Variants in TCF15 observed in about 807,000 individuals in gnomAD.
The protein encoded by TCF15 is TCF-15.
TCF15 carries 7 observed loss-of-function variants against 11.1 expected under a neutral mutation model. The ratio of observed to expected loss-of-function variants is 0.63; its 90% confidence interval spans 0.36 to 1.19. The LOEUF (loss-of-function observed/expected upper bound fraction) is 1.19. TCF15 is among the 50% of genes most tolerant of loss of function. The pLI is 0.02. For synonymous variants in TCF15, 144 were observed against 138.9 expected, an observed-to-expected ratio of 1.04 and a Z score of -0.26; for missense variants, 288 against 289.4, an observed-to-expected ratio of 1.00 and a Z score of 0.03.
chr20:605,161 T>C (rs2019962581), intron 1 of TCF15, among the ~76,000 whole-genome samples: 1 of 152,212 alleles, frequency 6.6e-6, no homozygotes. Flanking sequence ...CGGCTAATTT[T>C]TGTATTCACG....
intron 1 of TCF15, among the ~76,000 whole-genome samples, chr20:608,126 C>T (rs1164333815): frequency 6.6e-6 from 1 of 152,142 alleles, no homozygotes; most frequent in African/African-American, 2.4e-5. Flanking sequence ...ACACAGAAAC[C>T]CTGTCAGCAC....
rs1278121982 is a variant in TCF15, at chr20:609,782, G to A, written c.456C>T (p.Pro152=). 4.9e-6 allele frequency: 7 copies of A among 1,420,164 alleles called. No homozygotes were observed. The African/African-American group carries it at 6.0e-5, about 12-fold the overall frequency. The allele number at this position is 1,420,164 out of a possible 1,614,324, so 88.0% of individuals were successfully genotyped here. The change falls in exon 1 of 2, where the codon CCC becomes CCT. Residue 152 remains proline, a synonymous_variant. Coordinates refer to ENST00000246080, the MANE Select transcript of TCF15 (RefSeq NM_004609.4). This position sits in a 1 kb window ranked among gnomAD's most constrained non-coding sequence, Gnocchi z 4.7. ...RAAGSAKGAV[P]AAADGGRQPR... ...GCTGGCGGCCGCCGTCGGCGGCGGC[G>A]GGGACGGCGCCCTTGGCACTGCCCG...
chr20:609,662 CCCCCG>C lies in TCF15; in HGVS notation c.525+46_525+50del. The C allele has an allele frequency of 7.5e-7, 1 of 1,326,294 alleles. No homozygotes were observed. The highest frequency in any genetic ancestry group is 9.6e-7 in the Non-Finnish European group (1 of 1,045,946). 82.2% of individuals were successfully genotyped at this position (1,326,294 alleles called of 1,614,324 possible). On this transcript the variant is annotated intron_variant, in intron 1 of 1. Coordinates refer to ENST00000246080, the MANE Select transcript of TCF15 (RefSeq NM_004609.4). This position sits in a 1 kb window ranked among gnomAD's most constrained non-coding sequence, Gnocchi z 4.7. ...TCTCCGGTTCCCGCAGAGGCGCTGC[CCCCCG>C]CCTACCCCGACCTGGCGGCCGCAGC...
In TCF15 at chr20:609,860, G is replaced by A. The variant is rs1482471233; in HGVS notation, c.378C>T (p.Asn126=). 3 of 1,528,868 alleles carry A rather than the reference G, an allele frequency of 2.0e-6. No homozygotes were observed. Among genetic ancestry groups the A allele is most frequent in the East Asian group, 2.7e-5 (1 of 37,070 alleles). The allele number at this position is 1,528,868 out of a possible 1,614,324, so 94.7% of individuals were successfully genotyped here. Reference sequence around the variant, plus strand: ...CGGCCGAGTCGCCCAGCAGCAGCACGTTGGCCAGGTGCGCGATGTAGCTGG... The same window carrying A: ...CGGCCGAGTCGCCCAGCAGCAGCACATTGGCCAGGTGCGCGATGTAGCTGG... ...LASSYIAHLA[N]VLLLGDSADD... The change falls in exon 1 of 2, where the codon AAC becomes AAT. Residue 126 remains asparagine (N), a synonymous_variant. Coordinates refer to ENST00000246080, the MANE Select transcript of TCF15 (RefSeq NM_004609.4). The surrounding 1 kb of genome is among the most constrained non-coding windows in gnomAD (Gnocchi z 4.7).
Position 604,575 on chromosome 20 carries a change from T to C in TCF15, c.*16A>G. ...GCCAGTGGCTGGCTCCTGGCCTCCTTCTCCAGGGTCCAGGCTCATCTCCGT... is the reference window on the plus strand; with the variant it reads ...GCCAGTGGCTGGCTCCTGGCCTCCTCCTCCAGGGTCCAGGCTCATCTCCGT... On this transcript the variant is annotated 3_prime_UTR_variant, in exon 2 of 2. Coordinates refer to ENST00000246080, the MANE Select transcript of TCF15 (RefSeq NM_004609.4). The surrounding 1 kb of genome is among the most constrained non-coding windows in gnomAD (Gnocchi z 4.2). 3 of 1,550,378 alleles carry C rather than the reference T, an allele frequency of 1.9e-6. No homozygotes were observed. The highest frequency in any genetic ancestry group is 2.4e-5 in the East Asian group (1 of 40,892).
In TCF15 at chr20:604,456, G is replaced by T; in HGVS notation, c.*135C>A. On this transcript the variant is annotated 3_prime_UTR_variant, in exon 2 of 2. Coordinates refer to ENST00000246080, the MANE Select transcript of TCF15 (RefSeq NM_004609.4). This position sits in a 1 kb window ranked among gnomAD's most constrained non-coding sequence, Gnocchi z 4.2. ...AGGATCGGGTGGAGATGTCCCGAGG[G>T]CCCTGCCCAGAGTGTCCCGGAACAG... is the stretch of plus-strand genomic sequence containing the variant. The T allele has an allele frequency of 1.3e-6, 1 of 799,540 alleles. No individual in the cohort carries two copies. Among genetic ancestry groups the T allele is most frequent in the Non-Finnish European group, 2.1e-6 (1 of 471,358 alleles). The allele number at this position is 799,540 out of a possible 1,614,324, so 49.5% of individuals were successfully genotyped here.
At chr20:606,252 G>A (rs2019973760) in intron 1 of TCF15, among the ~76,000 whole-genome samples, 1 of 152,136 alleles carries the variant, frequency 6.6e-6, no homozygotes, top group Non-Finnish European at 1.5e-5. Context: ...AGGGCAGATA[G>A]GGGAGGGGGT....
At chr20:607,404 G>A (rs1306928430) in intron 1 of TCF15, among the ~76,000 whole-genome samples, 1 of 152,222 alleles carries the variant, frequency 6.6e-6, no homozygotes, top group Non-Finnish European at 1.5e-5. Flanking sequence ...GTGGCTCAGG[G>A]TAAAGGAACG....
rs1355133712 is a variant in TCF15 at position 609,779 on chromosome 20, G to A, written c.459C>T (p.Ala153=). ...AAGSAKGAVP[A]AADGGRQPRS... ...GCGGCTGGCGGCCGCCGTCGGCGGC[G>A]GCGGGGACGGCGCCCTTGGCACTGC... Residue 153 remains alanine (A), a synonymous_variant, in exon 1 of 2, where the codon GCC becomes GCT. Transcript: ENST00000246080. The surrounding 1 kb of genome is among the most constrained non-coding windows in gnomAD (Gnocchi z 4.7). 4 of 1,416,208 alleles carry A rather than the reference G, an allele frequency of 2.8e-6. No individual in the cohort carries two copies. The African/African-American group carries it at 6.0e-5, about 21-fold the overall frequency. The allele number at this position is 1,416,208 out of a possible 1,614,324, so 87.7% of individuals were successfully genotyped here.
In TCF15 at chr20:610,082, GC is replaced by G; in HGVS notation, c.155del (p.Gly52AlafsTer37). ...EGPEAARRGPGPGGGRRAGGG... is the reference protein window; with the variant it reads ...EGPEAARRGPXPGGGRRAGGG... ...CGCCCGCCCGCCGCCCGCCCCCGGG[GC>G]CCGGGCCGCGCCGCGCCGCCTCCGG... On this transcript the variant is annotated frameshift_variant, in exon 1 of 2. Transcript: ENST00000246080. LOFTEE classifies it high-confidence loss of function. The G allele has an allele frequency of 1.0e-6, 1 of 983,624 alleles. No individual in the cohort carries two copies. The highest frequency in any genetic ancestry group is 1.2e-6 in the Non-Finnish European group (1 of 830,170). The allele number at this position is 983,624 out of a possible 1,614,324, so 60.9% of individuals were successfully genotyped here.
rs1340313220 is a variant in TCF15 at position 604,545 on chromosome 20, G to C, written c.*46C>G. ...CTTGGCTCCTGGGGTCTTCTTCCCT[G>C]TCCAGCCAGTGGCTGGCTCCTGGCC... On this transcript the variant is annotated 3_prime_UTR_variant, in exon 2 of 2. Coordinates refer to ENST00000246080, the MANE Select transcript of TCF15 (RefSeq NM_004609.4). The surrounding 1 kb of genome is among the most constrained non-coding windows in gnomAD (Gnocchi z 4.2). 5.3e-6 allele frequency: 8 copies of C among 1,517,910 alleles called. No homozygotes were observed. Among genetic ancestry groups the C allele is most frequent in the Non-Finnish European group, 7.2e-6 (8 of 1,116,784 alleles). 94.0% of individuals were successfully genotyped at this position (1,517,910 alleles called of 1,614,324 possible).
chr20:610,160 C>A lies in TCF15; in HGVS notation c.78G>T (p.Glu26Asp). The A allele has an allele frequency of 9.5e-7, 1 of 1,049,100 alleles. No individual in the cohort carries two copies. Among genetic ancestry groups the A allele is most frequent in the South Asian group, 2.9e-5 (1 of 35,058 alleles). The allele number at this position is 1,049,100 out of a possible 1,614,324, so 65.0% of individuals were successfully genotyped here. Residue 26 changes from glutamate (E) to aspartate (D), a missense_variant, in exon 1 of 2, where the codon GAG becomes GAT. Transcript: ENST00000246080. ...CCGACGCGTCGCTCTCGCTGCGGTT[C>A]TCCTCGTCCTCGCTCAGCAGCCGCA... ...PDVRLLSEDEENRSESDASDQ... is the reference protein window; with the variant it reads ...PDVRLLSEDEDNRSESDASDQ...
At position 606,804 on chromosome 20, in the gene TCF15, C is replaced by T. The variant is rs539670315; in HGVS notation, c.526-2139G>A. 2.6e-3 allele frequency among the ~76,000 whole-genome samples: 383 copies of T among 144,576 alleles called. 2 individuals carry two copies. Among genetic ancestry groups the T allele is most frequent in the African/African-American group, 9.3e-3 (362 of 38,730 alleles). 94.8% of individuals were successfully genotyped at this position (144,576 alleles called of 152,430 possible). A position where few individuals can be genotyped will look rare whatever the true frequency, so the allele number is the denominator to read the frequency against. Reference sequence around the variant, plus strand: ...CTGTACTCCAGCCTGGGCGACAGAGCGAGACTCCATCGCAAAAAAAAAAAA... The same window carrying T: ...CTGTACTCCAGCCTGGGCGACAGAGTGAGACTCCATCGCAAAAAAAAAAAA... On this transcript the variant is annotated intron_variant, in intron 1 of 1. Transcript: ENST00000246080.
chr20:609,564 C>G lies in TCF15; in HGVS notation c.525+149G>C. ...GGGCCTGGGCATTAAGTCAGTGGTT[C>G]TGGGCTTGGGGTGCCGCACCCAGCA... On this transcript the variant is annotated intron_variant, in intron 1 of 1. Coordinates refer to ENST00000246080, the MANE Select transcript of TCF15 (RefSeq NM_004609.4). The surrounding 1 kb of genome is among the most constrained non-coding windows in gnomAD (Gnocchi z 4.7). 1.0e-6 allele frequency: 1 copy of G among 958,018 alleles called. No individual in the cohort carries two copies. Among genetic ancestry groups the G allele is most frequent in the Admixed American group, 4.3e-5 (1 of 23,062 alleles). 59.3% of individuals were successfully genotyped at this position (958,018 alleles called of 1,614,324 possible).
At position 604,533 on chromosome 20, in the gene TCF15, GTCT is replaced by G. The variant is rs2019956023; in HGVS notation, c.*55_*57del. ...AGAAGGGGTGGGCTTGGCTCCTGGG[GTCT>G]TCTTCCCTGTCCAGCCAGTGGCTGG... On this transcript the variant is annotated 3_prime_UTR_variant, in exon 2 of 2. Coordinates refer to ENST00000246080, the MANE Select transcript of TCF15 (RefSeq NM_004609.4). This position sits in a 1 kb window ranked among gnomAD's most constrained non-coding sequence, Gnocchi z 4.2. 1 of 1,487,226 alleles carries G rather than the reference GTCT, an allele frequency of 6.7e-7. No individual in the cohort carries two copies. Among genetic ancestry groups the G allele is most frequent in the Non-Finnish European group, 9.2e-7 (1 of 1,089,284 alleles). The allele number at this position is 1,487,226 out of a possible 1,614,324, so 92.1% of individuals were successfully genotyped here. A position where few individuals can be genotyped will look rare whatever the true frequency, so the allele number is the denominator to read the frequency against.
Position 608,927 on chromosome 20 carries a change from C to G in TCF15, c.525+786G>C, listed in dbSNP as rs371853569. 1.1e-4 allele frequency among the ~76,000 whole-genome samples: 16 copies of G among 152,352 alleles called. No individual in the cohort carries two copies. In the East Asian group the frequency reaches 2.7e-3, roughly 26 times the overall value. ...CCAAGAGGCCACCTCTGCTGCCACA[C>G]AGCCCCCGCCCACCCCTACCAGCCT... On this transcript the variant is annotated intron_variant, in intron 1 of 1. Coordinates refer to ENST00000246080, the MANE Select transcript of TCF15 (RefSeq NM_004609.4).
At chr20:605,576 C>A (rs2019966785) in intron 1 of TCF15, among the ~76,000 whole-genome samples, 1 of 152,228 alleles carries the variant, frequency 6.6e-6, no homozygotes, top group Non-Finnish European at 1.5e-5. Flanking sequence ...GTTCTTCACT[C>A]TGTGGTCCCA....
chr20:608,822 T>A (rs892814825), intron 1 of TCF15, among the ~76,000 whole-genome samples: 36 of 152,178 alleles, frequency 2.4e-4, no homozygotes, highest in African/African-American at 8.0e-4. Context: ...CAGGCTTCTT[T>A]ACTGTAGGAA....
At position 610,130 on chromosome 20, in the gene TCF15, C is replaced by A. The variant is rs867684243; in HGVS notation, c.108G>T (p.Gln36His). The A allele has an allele frequency of 9.7e-7, 1 of 1,027,448 alleles. No individual in the cohort carries two copies. Among genetic ancestry groups the A allele is most frequent in the Non-Finnish European group, 1.2e-6 (1 of 852,008 alleles). The allele number at this position is 1,027,448 out of a possible 1,614,324, so 63.6% of individuals were successfully genotyped here. A position where few individuals can be genotyped will look rare whatever the true frequency, so the allele number is the denominator to read the frequency against. The stretch of plus-strand genomic sequence containing the variant: ...CCGGGCCCTCGCAGCAGCCGAACGA[C>A]TGGTCCGACGCGTCGCTCTCGCTGC... ...ENRSESDASD[Q>H]SFGCCEGPEA... is the part of the protein sequence containing the mutation. Residue 36 changes from glutamine to histidine, a missense_variant, in exon 1 of 2, where the codon CAG (glutamine) becomes CAT (histidine). Coordinates refer to ENST00000246080, the MANE Select transcript of TCF15 (RefSeq NM_004609.4).
Sources: gnomAD v4.1 joint callset for allele counts (sites outside exome capture counted in the v4.1 genomes callset) on GRCh38, gnomAD v4.1.1 for gene constraint, Gnocchi (gnomAD v3.1) non-coding constraint, MANE v1.5 for transcripts, NCBI Gene and HGNC (gene_info 2026-07-23, HGNC 2026-07-21) for gene names.